RFX3: variants seen among roughly 807,000 people sequenced by gnomAD.
The protein encoded by RFX3 is regulatory factor X3, also known as transcription factor RFX3.
RFX3 carries 14 observed loss-of-function variants against 98.6 expected under a neutral mutation model. That is an observed-to-expected ratio of 0.14 (90% CI 0.09 to 0.22). The LOEUF is 0.22. Ranked by LOEUF, RFX3 falls within the 10% of genes least tolerant of loss-of-function variation. The probability of loss-of-function intolerance (pLI) is 1.00; values close to 1 mark genes in which losing one functional copy is unlikely to be tolerated. For synonymous variants in RFX3, 383 were observed against 328.4 expected (o/e 1.17, Z -1.80); for missense variants, 639 against 926.9 (o/e 0.69, Z 4.03).
intron 2 of RFX3, among the ~76,000 whole-genome samples, chr9:3,381,306 C>T (rs1348459912): frequency 4.0e-5 from 6 of 151,802 alleles, no homozygotes; most frequent in Admixed American, 2.6e-4. Flanking sequence ...GGACTGTAAT[C>T]GATGATCTTA....
At chr9:3,502,004 C>G (rs1396913273) in intron 1 of RFX3, among the ~76,000 whole-genome samples, 1 of 151,856 alleles carries the variant, frequency 6.6e-6, no homozygotes, top group Non-Finnish European at 1.5e-5. Context: ...GTAATCCCAG[C>G]ACTCTGGGAG....
At chr9:3,413,846 G>C (rs188076595) in intron 1 of RFX3, among the ~76,000 whole-genome samples, 28 of 152,066 alleles carry the variant, frequency 1.8e-4, no homozygotes, top group African/African-American at 6.5e-4. Flanking sequence ...TGAATACTAA[G>C]TAATAAATCA....
At chr9:3,439,135 A>T (rs1845410607) in intron 1 of RFX3, among the ~76,000 whole-genome samples, 1 of 151,930 alleles carries the variant, frequency 6.6e-6, no homozygotes, top group Non-Finnish European at 1.5e-5. Context: ...ACGAAATTAA[A>T]AAAAATAAAA....
Position 3,220,336 on chromosome 9 carries a change from A to G in RFX3, c.*4706T>C, listed in dbSNP as rs533750538. 2.1e-5 allele frequency: 3 copies of G among 145,410 alleles called. No individual in the cohort carries two copies. The highest frequency in any genetic ancestry group is 2.1e-4 in the South Asian group (1 of 4,784). The allele number at this position is 145,410 out of a possible 1,614,324, so 9.0% of individuals were successfully genotyped here. A position where few individuals can be genotyped will look rare whatever the true frequency, so the allele number is the denominator to read the frequency against. On this transcript the variant is annotated 3_prime_UTR_variant, in exon 17 of 17. Coordinates refer to ENST00000617270, the MANE Select transcript of RFX3 (RefSeq NM_001282116.2). Reference sequence around the variant, plus strand: ...ATGAGATCTTTTGATTCATTTTGGGAAAAAAAAGACAAAAAAAAAAGAAAC... The same window carrying G: ...ATGAGATCTTTTGATTCATTTTGGGGAAAAAAAGACAAAAAAAAAAGAAAC...
intron 10 of RFX3, 188 bp from the exon 11 acceptor site, chr9:3,270,713 C>T: frequency 1.5e-6 from 1 of 671,324 alleles, no homozygotes; most frequent in South Asian, 2.0e-5. Context: ...TCCCCCAGAG[C>T]TGTCTATGCA....
intron 1 of RFX3, among the ~76,000 whole-genome samples, chr9:3,417,892 T>C (rs888937345): frequency 6.6e-6 from 1 of 152,182 alleles, no homozygotes; most frequent in Admixed American, 6.5e-5. Context: ...ATAGCAAGTG[T>C]TTTTAAATGA....
chr9:3,311,110 G>A (rs536763987), intron 4 of RFX3, among the ~76,000 whole-genome samples: 1 of 152,312 alleles, frequency 6.6e-6, no homozygotes, highest in East Asian at 1.9e-4. Context: ...AACATCATCA[G>A]TGAGTACTTT....
intron 3 of RFX3, among the ~76,000 whole-genome samples, chr9:3,335,416 G>C (rs563837271): frequency 1.3e-5 from 2 of 151,864 alleles, no homozygotes; most frequent in Non-Finnish European, 2.9e-5. Context: ...CTTTTATATT[G>C]TATACTGAAT....
intron 4 of RFX3, among the ~76,000 whole-genome samples, chr9:3,317,763 T>A (rs1830796544): frequency 6.6e-6 from 1 of 152,056 alleles, no homozygotes; most frequent in Non-Finnish European, 1.5e-5. Context: ...AATAGACACA[T>A]GAAAAAATGC....
At chr9:3,499,393 C>A (rs1171032083) in intron 1 of RFX3, among the ~76,000 whole-genome samples, 1 of 151,920 alleles carries the variant, frequency 6.6e-6, no homozygotes, top group Non-Finnish European at 1.5e-5. Flanking sequence ...ATTATAAAAA[C>A]AGATTTTTTT....
chr9:3,509,755 C>T (rs969889059), intron 1 of RFX3, among the ~76,000 whole-genome samples: 2 of 151,916 alleles, frequency 1.3e-5, no homozygotes, highest in Non-Finnish European at 2.9e-5. Context: ...TATAGATAAA[C>T]AGTTACTTAA....
chr9:3,404,721 G>A (rs1841805823), intron 1 of RFX3, among the ~76,000 whole-genome samples: 1 of 152,092 alleles, frequency 6.6e-6, no homozygotes, highest in South Asian at 2.1e-4. Context: ...TTAGATAAGT[G>A]TGAAATTTCA....
chr9:3,361,272 T>C (rs982546929), intron 2 of RFX3, among the ~76,000 whole-genome samples: 2 of 152,046 alleles, frequency 1.3e-5, no homozygotes, highest in African/African-American at 4.8e-5. Context: ...ATTACAAAAG[T>C]AACCTTGTGA....
chr9:3,367,626 C>T (rs983376884), intron 2 of RFX3, among the ~76,000 whole-genome samples: 1 of 152,178 alleles, frequency 6.6e-6, no homozygotes, highest in Admixed American at 6.5e-5. Context: ...CATTTTACAC[C>T]TCCATGGGTT....
chr9:3,356,658 A>G (rs1835809676), intron 2 of RFX3, among the ~76,000 whole-genome samples: 1 of 151,942 alleles, frequency 6.6e-6, no homozygotes, highest in African/African-American at 2.4e-5. Flanking sequence ...GACCCAAACT[A>G]GAAAAGACAT....
chr9:3,396,581 G>T (rs1215474063), intron 1 of RFX3, among the ~76,000 whole-genome samples: 4 of 152,042 alleles, frequency 2.6e-5, no homozygotes, highest in Non-Finnish European at 5.9e-5. Context: ...GGGTCAAATG[G>T]TATTTCTAGT....
chr9:3,491,021 T>C (rs532349064), intron 1 of RFX3, among the ~76,000 whole-genome samples: 3 of 152,234 alleles, frequency 2.0e-5, no homozygotes, highest in African/African-American at 7.2e-5. Flanking sequence ...GATAATTTAG[T>C]TAACTATAAA....
At chr9:3,499,878 C>T (rs1431511090) in intron 1 of RFX3, among the ~76,000 whole-genome samples, 1 of 152,000 alleles carries the variant, frequency 6.6e-6, no homozygotes, top group Non-Finnish European at 1.5e-5. Context: ...TTAAGTGAGA[C>T]ATTTTCTCTA....
At chr9:3,511,435 G>C (rs1311036308) in intron 1 of RFX3, among the ~76,000 whole-genome samples, 1 of 151,764 alleles carries the variant, frequency 6.6e-6, no homozygotes, top group African/African-American at 2.4e-5. Context: ...AAAAAACTAA[G>C]AGAAGGAACC....
Sources: gnomAD v4.1 joint callset for allele counts (sites outside exome capture counted in the v4.1 genomes callset) on GRCh38, gnomAD v4.1.1 for gene constraint, MANE v1.5 for transcripts, NCBI Gene and HGNC (gene_info 2026-07-23, HGNC 2026-07-21) for gene names.